Variants in RABGEF1 observed in about 807,000 individuals in gnomAD.
RABGEF1 encodes the protein rab5 GDP/GTP exchange factor.
Under a neutral mutation model 57.3 loss-of-function variants are expected in RABGEF1, and 26 were observed. The observed-to-expected ratio is 0.45, with a 90% CI of 0.33 to 0.63. RABGEF1 has a LOEUF of 0.63. Ranked by LOEUF, RABGEF1 falls within the 20% of genes least tolerant of loss-of-function variation. RABGEF1 has a pLI of 0.02. For synonymous variants in RABGEF1, 185 were observed against 210.7 expected (o/e 0.88, Z 1.06); for missense variants, 464 against 607.6 (o/e 0.76, Z 2.48).
intron 4 of RABGEF1, among the ~76,000 whole-genome samples, chr7:66,791,885 G>A (rs769239112): frequency 5.3e-5 from 8 of 152,170 alleles, no homozygotes; most frequent in Non-Finnish European, 5.9e-5. Flanking sequence ...AGGCCGAGGA[G>A]GATGGATCAC....
upstream of RABGEF1, among the ~76,000 whole-genome samples, chr7:66,738,249 C>G (rs1399360185): frequency 6.6e-6 from 1 of 152,122 alleles, no homozygotes; most frequent in Non-Finnish European, 1.5e-5. Context: ...AAACTCCTGA[C>G]CTCAGGTGAT....
chr7:66,741,497 G>A (rs1798937089), intron 1 of RABGEF1, among the ~76,000 whole-genome samples: 2 of 152,162 alleles, frequency 1.3e-5, no homozygotes. Context: ...TTGGAGGCTA[G>A]GTCATAGGCA....
chr7:66,758,759 G>T (rs1218723173), intron 1 of RABGEF1, among the ~76,000 whole-genome samples: 1 of 152,126 alleles, frequency 6.6e-6, no homozygotes, highest in African/African-American at 2.4e-5. Context: ...CTCTCTTTTG[G>T]TGGTACCCTT....
chr7:66,809,204 C>T lies in RABGEF1; in HGVS notation c.1396C>T (p.Pro466Ser). 1 of 1,614,148 alleles carries T rather than the reference C, an allele frequency of 6.2e-7. No homozygotes were observed. Among genetic ancestry groups the T allele is most frequent in the South Asian group, 1.1e-5 (1 of 91,074 alleles). The change falls in exon 9 of 9, where the codon CCG becomes TCG. Residue 466 changes from proline (P) to serine (S), a missense_variant. Coordinates refer to ENST00000284957, the MANE Select transcript of RABGEF1 (RefSeq NM_014504.3). Reference sequence around the variant, plus strand: ...ACTGGAAATTAAGCCTCCGAATCAACCGTTAGCAGCTATTGACTCTGAAAA... The same window carrying T: ...ACTGGAAATTAAGCCTCCGAATCAATCGTTAGCAGCTATTGACTCTGAAAA... ...YPLEIKPPNQ[P>S]LAAIDSENVE...
At chr7:66,760,295 G>A (rs1471539018) in intron 1 of RABGEF1, among the ~76,000 whole-genome samples, 1 of 152,166 alleles carries the variant, frequency 6.6e-6, no homozygotes, top group Non-Finnish European at 1.5e-5. Flanking sequence ...GACCTTTTAA[G>A]ATGCACTTTT....
At chr7:66,655,123 C>T in the RABGEF1 span, among the ~76,000 whole-genome samples, 6 of 152,228 alleles carry the variant, frequency 3.9e-5, no homozygotes, top group South Asian at 2.1e-4. Context: ...GACTTGATCC[C>T]CCGTCGCCCT....
chr7:66,745,397 C>A (rs1799966313), intron 1 of RABGEF1, among the ~76,000 whole-genome samples: 1 of 152,096 alleles, frequency 6.6e-6, no homozygotes, highest in Non-Finnish European at 1.5e-5. Flanking sequence ...GTAGGAAATA[C>A]CTGTGTAAAC....
the RABGEF1 span, among the ~76,000 whole-genome samples, chr7:66,660,675 T>A: frequency 6.6e-6 from 1 of 152,172 alleles, no homozygotes; most frequent in Non-Finnish European, 1.5e-5. Flanking sequence ...GTAAGAACAT[T>A]AAATTACTAA....
intron 2 of RABGEF1, among the ~76,000 whole-genome samples, chr7:66,732,280 A>C (rs919446923): frequency 2.0e-5 from 3 of 152,160 alleles, no homozygotes; most frequent in Non-Finnish European, 4.4e-5. Flanking sequence ...CTGGACACGG[A>C]GCCTCATTGA....
At chr7:66,704,829 TTAAA>T (rs1053512470) in intron 1 of RABGEF1, among the ~76,000 whole-genome samples, 4 of 151,730 alleles carry the variant, frequency 2.6e-5, no homozygotes, top group Non-Finnish European at 4.4e-5. Flanking sequence ...AAAAAAAAGT[TTAAA>T]TAACCAACGT....
At chr7:66,669,508 T>A in the RABGEF1 span, among the ~76,000 whole-genome samples, 1 of 152,202 alleles carries the variant, frequency 6.6e-6, no homozygotes, top group Admixed American at 6.5e-5. Context: ...GGTGGGGACC[T>A]CTGGCTTGTG....
At chr7:66,683,994 A>G (rs981261595) in intron 1 of RABGEF1, among the ~76,000 whole-genome samples, 8 of 152,156 alleles carry the variant, frequency 5.3e-5, no homozygotes, top group East Asian at 1.9e-4. Flanking sequence ...TCCCGCCTCA[A>G]GTGTCCCAAT....
chr7:66,686,320 GT>G (rs1303817339), intron 1 of RABGEF1, among the ~76,000 whole-genome samples: 1 of 150,316 alleles, frequency 6.7e-6, no homozygotes, highest in Non-Finnish European at 1.5e-5. Context: ...AAAACCAAAA[GT>G]TTCAGGCTGG....
At chr7:66,689,863 T>C (rs1368449347) in intron 1 of RABGEF1, among the ~76,000 whole-genome samples, 1 of 151,776 alleles carries the variant, frequency 6.6e-6, no homozygotes, top group African/African-American at 2.4e-5. Flanking sequence ...AAATTGCTAA[T>C]TAAAATCCTC....
At chr7:66,768,502 T>C (rs1311957104) in intron 1 of RABGEF1, among the ~76,000 whole-genome samples, 2 of 152,240 alleles carry the variant, frequency 1.3e-5, no homozygotes, top group Admixed American at 6.5e-5. Flanking sequence ...CTTGTCTTTT[T>C]GTTTTCTAAA....
At chr7:66,719,262 C>A (rs1423758830) in intron 2 of RABGEF1, among the ~76,000 whole-genome samples, 1 of 152,218 alleles carries the variant, frequency 6.6e-6, no homozygotes, top group Non-Finnish European at 1.5e-5. Flanking sequence ...GCAGTCTGAA[C>A]CACAAATGGA....
chr7:66,763,467 C>G (rs1311816949), intron 1 of RABGEF1, among the ~76,000 whole-genome samples: 1 of 152,210 alleles, frequency 6.6e-6, no homozygotes, highest in Non-Finnish European at 1.5e-5. Flanking sequence ...ATCAATAGTG[C>G]TTTGACTCTC....
upstream of RABGEF1, among the ~76,000 whole-genome samples, chr7:66,680,217 C>T (rs2116993180): frequency 6.6e-6 from 1 of 152,134 alleles, no homozygotes; most frequent in East Asian, 1.9e-4. Context: ...GCTCCTCCAC[C>T]TCCTCAGCAC....
At chr7:66,806,678 C>G (rs1250912023) in intron 8 of RABGEF1, among the ~76,000 whole-genome samples, 1 of 133,744 alleles carries the variant, frequency 7.5e-6, no homozygotes, top group Non-Finnish European at 1.5e-5. Context: ...GAGTCTCCCT[C>G]TGTCATCCAG....
Sources: allele counts gnomAD v4.1 joint callset (sites outside exome capture counted in the v4.1 genomes callset), GRCh38; gene constraint gnomAD v4.1.1; transcripts MANE v1.5; gene names NCBI Gene and HGNC (gene_info 2026-07-23, HGNC 2026-07-21).